Variants in PTPRO observed in about 807,000 individuals in gnomAD.
The protein encoded by PTPRO is protein tyrosine phosphatase receptor type O.
Under a neutral mutation model 145.2 loss-of-function variants are expected in PTPRO, and 62 were observed. The ratio of observed to expected loss-of-function variants is 0.43; its 90% confidence interval spans 0.35 to 0.53. The LOEUF (loss-of-function observed/expected upper bound fraction) is 0.53. PTPRO is among the 20% of genes least tolerant of loss of function. PTPRO has a pLI of 0.01. For synonymous variants in PTPRO, 565 were observed against 514.7 expected, an observed-to-expected ratio of 1.10 and a Z score of -1.32; for missense variants, 1,345 against 1,482.7, an observed-to-expected ratio of 0.91 and a Z score of 1.53.
At chr12:15,345,568 T>G (rs1226912728) in intron 1 of PTPRO, among the ~76,000 whole-genome samples, 1 of 151,518 alleles carries the variant, frequency 6.6e-6, no homozygotes, top group Non-Finnish European at 1.5e-5. Flanking sequence ...TGAGAACATA[T>G]GGACACAAGG....
At chr12:15,375,354 A>G (rs1420267525) in intron 1 of PTPRO, among the ~76,000 whole-genome samples, 1 of 152,228 alleles carries the variant, frequency 6.6e-6, no homozygotes, top group African/African-American at 2.4e-5. Context: ...CTTACTAGAC[A>G]GACTTTAATT....
At chr12:15,484,330 C>T (rs1941842185) in intron 2 of PTPRO, 83 bp downstream of exon 2, 3 of 1,507,848 alleles carry the variant, frequency 2.0e-6, no homozygotes, top group Non-Finnish European at 1.8e-6. Context: ...ACAGACTCCA[C>T]CCAGAATGGC....
rs553154047 is a variant in PTPRO at position 15,581,888 on chromosome 12, G to A, written c.3255+87G>A. 57 of 1,549,256 alleles carry A rather than the reference G, an allele frequency of 3.7e-5. 1 individual carries two copies. Among genetic ancestry groups the A allele is most frequent in the African/African-American group, 1.8e-4 (13 of 73,432 alleles). The stretch of plus-strand genomic sequence containing the variant: ...GTCGGGGAGACCCTAACCCAGCGGC[G>A]CTAGAGGAATTACAGACACACACAC... On this transcript the variant is annotated intron_variant, in intron 23 of 26. Coordinates refer to ENST00000281171, the MANE Select transcript of PTPRO (RefSeq NM_030667.3).
intron 8 of PTPRO, among the ~76,000 whole-genome samples, chr12:15,515,976 G>GTTTT (rs779273373): frequency 7.9e-6 from 1 of 126,200 alleles, no homozygotes; most frequent in Non-Finnish European, 1.7e-5. Context: ...TGTTTGTCTG[G>GTTTT]TTTTTTTTTT....
intron 13 of PTPRO, among the ~76,000 whole-genome samples, chr12:15,548,528 A>AGTG (rs1943361893): frequency 6.7e-6 from 1 of 149,228 alleles, no homozygotes; most frequent in Non-Finnish European, 1.5e-5. Flanking sequence ...GTGTATATAT[A>AGTG]TGTGTGTGTG....
In PTPRO at chr12:15,432,986, T is replaced by TTTG. The variant is rs145848522; in HGVS notation, c.76-50970_76-50968dup. Among the ~76,000 whole-genome samples, 430 of 152,118 alleles carry TTTG rather than the reference T, an allele frequency of 2.8e-3. 1 individual carries two copies. The highest frequency in any genetic ancestry group is 5.2e-3 in the Non-Finnish European group (353 of 67,950). The stretch of plus-strand genomic sequence containing the variant: ...TGTTGATAGTTTTCATTTGTTTGTT[T>TTTG]TTGTTGTTGTTGTTGTTGTTATTGT... On this transcript the variant is annotated intron_variant, in intron 1 of 26. Coordinates refer to ENST00000281171, the MANE Select transcript of PTPRO (RefSeq NM_030667.3).
At chr12:15,433,987 A>G (rs1940525532) in intron 1 of PTPRO, among the ~76,000 whole-genome samples, 1 of 152,096 alleles carries the variant, frequency 6.6e-6, no homozygotes, top group Non-Finnish European at 1.5e-5. Flanking sequence ...ATCCTCCAAA[A>G]TTTTCTGTCC....
intron 1 of PTPRO, among the ~76,000 whole-genome samples, chr12:15,415,319 C>T (rs747697714): frequency 1.4e-4 from 22 of 152,044 alleles, no homozygotes; most frequent in East Asian, 3.8e-4. Context: ...AAATAATATT[C>T]GCTATTTCAA....
At chr12:15,359,359 C>G (rs1373192996) in intron 1 of PTPRO, among the ~76,000 whole-genome samples, 1 of 150,146 alleles carries the variant, frequency 6.7e-6, no homozygotes, top group Non-Finnish European at 1.5e-5. Context: ...TTATTAGATT[C>G]ATTTTCAGAT....
intron 1 of PTPRO, among the ~76,000 whole-genome samples, chr12:15,462,746 C>T (rs942469914): frequency 6.6e-6 from 1 of 152,082 alleles, no homozygotes; most frequent in African/African-American, 2.4e-5. Context: ...AGAGAAATTC[C>T]TGGCATATAT....
chr12:15,511,875 T>C (rs879809190), intron 7 of PTPRO, among the ~76,000 whole-genome samples: 3 of 152,122 alleles, frequency 2.0e-5, no homozygotes, highest in Non-Finnish European at 4.4e-5. Context: ...TAATGGCGTA[T>C]TTAAACAGCT....
intron 1 of PTPRO, among the ~76,000 whole-genome samples, chr12:15,470,837 T>C (rs202152823): frequency 6.6e-6 from 1 of 152,212 alleles, no homozygotes; most frequent in Non-Finnish European, 1.5e-5. Flanking sequence ...GAAATGGCAG[T>C]GCAAGGAATT....
At chr12:15,406,406 C>G (rs950961276) in intron 1 of PTPRO, among the ~76,000 whole-genome samples, 1 of 152,160 alleles carries the variant, frequency 6.6e-6, no homozygotes, top group Admixed American at 6.5e-5. Flanking sequence ...CAATCATGAT[C>G]CCCAGCAAGA....
At chr12:15,478,661 C>T (rs1941710738) in intron 1 of PTPRO, among the ~76,000 whole-genome samples, 1 of 151,944 alleles carries the variant, frequency 6.6e-6, no homozygotes, top group East Asian at 1.9e-4. Flanking sequence ...TTAGAGTAGC[C>T]TATTATTAAA....
intron 1 of PTPRO, among the ~76,000 whole-genome samples, chr12:15,332,515 A>G (rs1866641736): frequency 6.6e-6 from 1 of 152,216 alleles, no homozygotes; most frequent in Admixed American, 6.5e-5. Flanking sequence ...TTGAGTTTTG[A>G]ATCAAAAAAT....
At chr12:15,546,220 AT>A in intron 12 of PTPRO, 1 of 642,516 alleles carries the variant, frequency 1.6e-6, no homozygotes, top group Non-Finnish European at 2.0e-6. Flanking sequence ...TTAAGTGCAG[AT>A]TTTTGTTTCT....
At chr12:15,441,617 AG>A (rs368246490) in intron 1 of PTPRO, among the ~76,000 whole-genome samples, 7 of 152,300 alleles carry the variant, frequency 4.6e-5, no homozygotes, top group African/African-American at 1.4e-4. Context: ...AGATTAACAA[AG>A]AAAAGAAGAG....
rs114230793 is a variant in PTPRO, at chr12:15,594,195, T to C, written c.3547-742T>C. ...TTTTAAAATATACAGTAGATTGAGA[T>C]TTTTATTTGTAATGTATTCTACTGC... On this transcript the variant is annotated intron_variant, in intron 25 of 26. Coordinates refer to ENST00000281171, the MANE Select transcript of PTPRO (RefSeq NM_030667.3). Among the ~76,000 whole-genome samples the C allele has an allele frequency of 1.3e-3, 191 of 152,246 alleles. 1 individual carries two copies. The highest frequency in any genetic ancestry group is 4.4e-3 in the African/African-American group (183 of 41,568).
At chr12:15,400,893 G>A (rs1051936408) in intron 1 of PTPRO, among the ~76,000 whole-genome samples, 2 of 152,114 alleles carry the variant, frequency 1.3e-5, no homozygotes, top group African/African-American at 2.4e-5. Flanking sequence ...GCATCCCCTA[G>A]CACCTAGCAC....
Sources: allele counts gnomAD v4.1 joint callset (sites outside exome capture counted in the v4.1 genomes callset), GRCh38; gene constraint gnomAD v4.1.1; transcripts MANE v1.5; gene names NCBI Gene and HGNC (gene_info 2026-07-23, HGNC 2026-07-21).